The following RPP30 variants were observed in gnomAD, a reference collection of about 807,000 sequenced individuals.
The protein encoded by RPP30 is ribonuclease P protein subunit p30.
In RPP30, 36 loss-of-function variants were observed where a neutral mutation model predicts 38.6. The observed-to-expected ratio is 0.93, with a 90% CI of 0.71 to 1.23. The LOEUF is 1.23. Among genes scored for constraint, RPP30 ranks in the 50% most tolerant of loss-of-function variants. The pLI is 0.00. For missense variants in RPP30, 321 were observed against 321.7 expected (o/e 1.00, Z 0.02); for synonymous variants, 126 against 112.7 (o/e 1.12, Z -0.75).
intron 6 of RPP30, among the ~76,000 whole-genome samples, chr10:90,892,804 G>A (rs930520038): frequency 1.3e-5 from 2 of 152,204 alleles, no homozygotes; most frequent in African/African-American, 4.8e-5. Context: ...TTTTTGGTTA[G>A]CCAGGTGCAC....
chr10:90,881,742 T>G (rs1846930252), intron 5 of RPP30, among the ~76,000 whole-genome samples: 1 of 152,214 alleles, frequency 6.6e-6, no homozygotes, highest in Non-Finnish European at 1.5e-5. Flanking sequence ...GTGTCTTAAG[T>G]TACATTCTAC....
downstream of RPP30, among the ~76,000 whole-genome samples, chr10:90,904,886 C>T (rs1387240037): frequency 1.3e-5 from 2 of 152,124 alleles, no homozygotes; most frequent in South Asian, 4.1e-4. Context: ...TGTCAGCTAT[C>T]ATTTAGGAAA....
chr10:90,906,019 A>G (rs935314487), downstream of RPP30: 2 of 152,246 alleles, frequency 1.3e-5, no homozygotes, highest in African/African-American at 2.4e-5. Context: ...TAAATACACA[A>G]TACCCATAAT....
chr10:90,905,105 A>G (rs973719483), downstream of RPP30, among the ~76,000 whole-genome samples: 10 of 152,190 alleles, frequency 6.6e-5, no homozygotes, highest in African/African-American at 2.4e-4. Context: ...TCTACATAAC[A>G]ACAAGTAGGA....
intron 6 of RPP30, among the ~76,000 whole-genome samples, chr10:90,888,926 G>A (rs772733984): frequency 6.6e-6 from 1 of 152,172 alleles, no homozygotes; most frequent in Non-Finnish European, 1.5e-5. Flanking sequence ...TGATGGAGTG[G>A]AAAGAAAGGC....
chr10:90,894,273 T>C (rs544839325), intron 6 of RPP30, among the ~76,000 whole-genome samples: 2 of 152,376 alleles, frequency 1.3e-5, no homozygotes, highest in African/African-American at 4.8e-5. Context: ...ATGGCTGTTA[T>C]TCTCTCTTCA....
chr10:90,886,832 C>T (rs1255096436), intron 6 of RPP30, among the ~76,000 whole-genome samples: 1 of 152,134 alleles, frequency 6.6e-6, no homozygotes, highest in East Asian at 1.9e-4. Flanking sequence ...GCTCTTTTGC[C>T]TCTGTAGAAT....
intron 5 of RPP30, among the ~76,000 whole-genome samples, chr10:90,885,608 T>G (rs1388292323): frequency 6.6e-6 from 1 of 152,232 alleles, no homozygotes; most frequent in Admixed American, 6.5e-5. Flanking sequence ...ATTCCGCTTT[T>G]GCTGGATTAC....
chr10:90,877,317 A>G (rs1846865849), intron 4 of RPP30, among the ~76,000 whole-genome samples: 1 of 152,074 alleles, frequency 6.6e-6, no homozygotes, highest in African/African-American at 2.4e-5. Flanking sequence ...AAAAAAAAAA[A>G]GATGTGGCCT....
chr10:90,892,111 T>C (rs1847088435), intron 6 of RPP30, among the ~76,000 whole-genome samples: 1 of 152,256 alleles, frequency 6.6e-6, no homozygotes, highest in South Asian at 2.1e-4. Context: ...AGCATCTTTA[T>C]GACCATTATT....
At chr10:90,890,816 A>T (rs541601190) in intron 6 of RPP30, among the ~76,000 whole-genome samples, 176 of 18,412 alleles carry the variant, frequency 9.6e-3, no homozygotes, top group Middle Eastern at 0.094. Flanking sequence ...GAAATTAATA[A>T]GTTAAAAAAA....
intron 6 of RPP30, among the ~76,000 whole-genome samples, chr10:90,891,282 TA>T (rs1168586696): frequency 2.0e-5 from 3 of 152,160 alleles, no homozygotes; most frequent in Non-Finnish European, 4.4e-5. Context: ...TGCAGCTACG[TA>T]ACTCCAGTCT....
chr10:90,901,991 G>A lies in RPP30; in HGVS notation c.*1312G>A. On this transcript the variant is annotated 3_prime_UTR_variant, in exon 11 of 11. Coordinates refer to ENST00000371703, the MANE Select transcript of RPP30 (RefSeq NM_006413.5). ...TCGCCATGTATTTAGCAGAGACGGG[G>A]TTTCACCGTGTTAGCCAGGATGGTC... is the stretch of plus-strand genomic sequence containing the variant. 2.5e-6 allele frequency: 1 copy of A among 403,776 alleles called. No homozygotes were observed. Among genetic ancestry groups the A allele is most frequent in the Non-Finnish European group, 3.3e-6 (1 of 298,934 alleles). The allele number at this position is 403,776 out of a possible 1,614,324, so 25.0% of individuals were successfully genotyped here.
intron 6 of RPP30, among the ~76,000 whole-genome samples, chr10:90,889,441 C>A (rs1038143578): frequency 1.3e-5 from 2 of 151,012 alleles, no homozygotes; most frequent in African/African-American, 2.4e-5. Flanking sequence ...TCCCAAGTAG[C>A]TGGGATTACA....
chr10:90,878,291 C>G (rs1330762748), intron 4 of RPP30, among the ~76,000 whole-genome samples: 1 of 152,072 alleles, frequency 6.6e-6, no homozygotes, highest in Admixed American at 6.6e-5. Context: ...TCTCTTATAC[C>G]CTCCTAACTT....
intron 6 of RPP30, among the ~76,000 whole-genome samples, chr10:90,892,859 C>T (rs1847098998): frequency 6.6e-6 from 1 of 152,192 alleles, no homozygotes; most frequent in Non-Finnish European, 1.5e-5. Flanking sequence ...ACAACGTTAT[C>T]ACAGGACATC....
At chr10:90,898,723 G>GTTA (rs1847170713) in intron 10 of RPP30, among the ~76,000 whole-genome samples, 2 of 152,216 alleles carry the variant, frequency 1.3e-5, no homozygotes, top group African/African-American at 2.4e-5. Flanking sequence ...CAACTTGGAA[G>GTTA]GCTTGCCACA....
At chr10:90,895,622 A>G in intron 8 of RPP30, 139 bp downstream of exon 8, 5 of 552,372 alleles carry the variant, frequency 9.1e-6, no homozygotes, top group Non-Finnish European at 1.5e-5. Context: ...TGTAATTGCT[A>G]AATAGTAAAA....
At chr10:90,907,821 G>A (rs957795157), downstream of RPP30, among the ~76,000 whole-genome samples, 2 of 152,114 alleles carry the variant, frequency 1.3e-5, no homozygotes, top group Non-Finnish European at 2.9e-5. Context: ...TTCCTTCATC[G>A]TATTTACAAC....
Sources: allele counts gnomAD v4.1 joint callset (sites outside exome capture counted in the v4.1 genomes callset), GRCh38; gene constraint gnomAD v4.1.1; transcripts MANE v1.5; gene names NCBI Gene and HGNC (gene_info 2026-07-23, HGNC 2026-07-21).